Variants in NRCAM observed in about 807,000 individuals in gnomAD.
NRCAM encodes the protein NgCAM-related cell adhesion molecule.
Under a neutral mutation model 156.5 loss-of-function variants are expected in NRCAM, and 83 were observed. The observed-to-expected ratio is 0.53, with a 90% CI of 0.44 to 0.64. NRCAM has a LOEUF of 0.64. Ranked by LOEUF, NRCAM falls within the 30% of genes least tolerant of loss-of-function variation. NRCAM has a pLI of 0.00. For synonymous variants in NRCAM, 538 were observed against 563.9 expected (o/e 0.95, Z 0.65); for missense variants, 1,417 against 1,597.3 (o/e 0.89, Z 1.92).
At chr7:108,440,834 A>G (rs1837722521) in intron 1 of NRCAM, among the ~76,000 whole-genome samples, 1 of 152,176 alleles carries the variant, frequency 6.6e-6, no homozygotes, top group Non-Finnish European at 1.5e-5. Flanking sequence ...GCTGCTCACA[A>G]TATTTTTGTG....
intron 3 of NRCAM, among the ~76,000 whole-genome samples, chr7:108,252,570 C>T (rs1269647): frequency 0.83 from 126,732 of 152,226 alleles, 52,878 homozygotes; most frequent in East Asian, 0.99. Flanking sequence ...GAAATAGCTG[C>T]AGAAGGCCTG....
intron 3 of NRCAM, among the ~76,000 whole-genome samples, chr7:108,265,308 C>T (rs899841141): frequency 2.0e-5 from 3 of 152,214 alleles, no homozygotes; most frequent in African/African-American, 7.2e-5. Flanking sequence ...GGGAGGGCTA[C>T]ACTGGTGTCC....
intron 3 of NRCAM, among the ~76,000 whole-genome samples, chr7:108,246,028 T>A (rs1261840271): frequency 1.3e-5 from 2 of 152,188 alleles, no homozygotes; most frequent in African/African-American, 4.8e-5. Flanking sequence ...TCCAGGCTTG[T>A]CCAGCCAGCT....
chr7:108,191,408 G>A, intron 18 of NRCAM, 125 bp from the exon 19 acceptor site: 1 of 722,456 alleles, frequency 1.4e-6, no homozygotes, highest in Non-Finnish European at 2.2e-6. Flanking sequence ...GCTTAGCTGT[G>A]AGACACAGCA....
At chr7:108,236,777 G>T (rs1418987513) in intron 5 of NRCAM, among the ~76,000 whole-genome samples, 1 of 151,944 alleles carries the variant, frequency 6.6e-6, no homozygotes, top group East Asian at 1.9e-4. Flanking sequence ...ATAGAATTTG[G>T]GATAATGGAA....
intron 2 of NRCAM, among the ~76,000 whole-genome samples, chr7:108,375,753 T>A (rs905483551): frequency 6.6e-6 from 1 of 152,202 alleles, no homozygotes; most frequent in Non-Finnish European, 1.5e-5. Flanking sequence ...TCCATTGTCC[T>A]CCAAACAAAT....
chr7:108,400,539 C>T (rs1262064639), intron 1 of NRCAM, among the ~76,000 whole-genome samples: 1 of 152,130 alleles, frequency 6.6e-6, no homozygotes, highest in Non-Finnish European at 1.5e-5. Context: ...GAATGGCACG[C>T]AACTGTCAAT....
At chr7:108,300,862 T>G (rs1196802558) in intron 3 of NRCAM, among the ~76,000 whole-genome samples, 3 of 152,154 alleles carry the variant, frequency 2.0e-5, no homozygotes, top group Non-Finnish European at 2.9e-5. Flanking sequence ...AACAGAAAGC[T>G]TTTTAAAAAA....
chr7:108,379,038 T>G (rs2099689588), intron 2 of NRCAM, among the ~76,000 whole-genome samples: 1 of 152,090 alleles, frequency 6.6e-6, no homozygotes, highest in Non-Finnish European at 1.5e-5. Flanking sequence ...TGACTCCTGA[T>G]AGCAAAATAA....
At chr7:108,385,836 T>A (rs2099738935) in intron 2 of NRCAM, among the ~76,000 whole-genome samples, 2 of 150,664 alleles carry the variant, frequency 1.3e-5, no homozygotes, top group Admixed American at 1.3e-4. Context: ...CTTTACAATT[T>A]ATGTTTACAG....
chr7:108,220,210 A>C (rs1213439690), intron 11 of NRCAM, among the ~76,000 whole-genome samples: 1 of 152,166 alleles, frequency 6.6e-6, no homozygotes, highest in Non-Finnish European at 1.5e-5. Context: ...AGACGACACA[A>C]ATGAAAACAC....
intron 30 of NRCAM, among the ~76,000 whole-genome samples, chr7:108,162,010 A>G (rs1295994023): frequency 6.6e-6 from 1 of 152,190 alleles, no homozygotes; most frequent in African/African-American, 2.4e-5. Context: ...TGGTAATAGC[A>G]CTGATGGCTA....
intron 3 of NRCAM, among the ~76,000 whole-genome samples, chr7:108,251,609 T>C (rs1041378493): frequency 1.3e-5 from 2 of 152,176 alleles, no homozygotes; most frequent in African/African-American, 4.8e-5. Flanking sequence ...AATTAGATCC[T>C]TTGAGGCTGC....
At chr7:108,233,962 C>T (rs1256773686) in intron 6 of NRCAM, among the ~76,000 whole-genome samples, 1 of 152,148 alleles carries the variant, frequency 6.6e-6, no homozygotes, top group Non-Finnish European at 1.5e-5. Context: ...TAATATCTCT[C>T]CCAACTCTAA....
chr7:108,325,894 G>A (rs75449911), intron 2 of NRCAM, among the ~76,000 whole-genome samples: 7 of 151,652 alleles, frequency 4.6e-5, no homozygotes, highest in South Asian at 2.1e-4. Flanking sequence ...TGCATAGAAC[G>A]TATCTCTGGT....
chr7:108,283,870 G>GAGTCTCACTCTGTTGCCC (rs2097959755), intron 3 of NRCAM, among the ~76,000 whole-genome samples: 1 of 151,966 alleles, frequency 6.6e-6, no homozygotes, highest in Admixed American at 6.6e-5. Context: ...TTTTGAGATG[G>GAGTCTCACTCTGTTGCCC]AGTCTCACTC....
At chr7:108,357,662 T>A (rs1237019939) in intron 2 of NRCAM, among the ~76,000 whole-genome samples, 4 of 152,184 alleles carry the variant, frequency 2.6e-5, no homozygotes, top group Admixed American at 1.3e-4. Context: ...GAATGTAAAC[T>A]CTTCTATCTT....
intron 28 of NRCAM, among the ~76,000 whole-genome samples, chr7:108,168,830 T>G (rs1189737671): frequency 6.6e-6 from 1 of 152,208 alleles, no homozygotes; most frequent in Non-Finnish European, 1.5e-5. Flanking sequence ...CAAACCTATT[T>G]GTCATCTCAA....
intron 2 of NRCAM, among the ~76,000 whole-genome samples, chr7:108,325,632 G>A (rs887059783): frequency 1.3e-5 from 2 of 151,694 alleles, no homozygotes; most frequent in South Asian, 2.1e-4. Context: ...TTGCCTTAAC[G>A]CTTATCATGA....
Sources: allele counts gnomAD v4.1 joint callset (sites outside exome capture counted in the v4.1 genomes callset), GRCh38; gene constraint gnomAD v4.1.1; transcripts MANE v1.5; gene names NCBI Gene and HGNC (gene_info 2026-07-23, HGNC 2026-07-21).